Variants in THEMIS observed in about 807,000 individuals in gnomAD.
THEMIS encodes protein THEMIS.
In THEMIS, 37 loss-of-function variants were observed where a neutral mutation model predicts 52.6. The observed-to-expected ratio is 0.70, with a 90% CI of 0.54 to 0.93. The LOEUF (loss-of-function observed/expected upper bound fraction) is 0.93. THEMIS is among the 40% of genes least tolerant of loss of function. The pLI is 0.00. For missense variants in THEMIS, 808 were observed against 763.1 expected (o/e 1.06, Z -0.69); for synonymous variants, 292 against 272.7 (o/e 1.07, Z -0.70).
rs1780936483 is a variant in THEMIS at position 127,895,467 on chromosome 6, T to A, written c.91+5375A>T. Among the ~76,000 whole-genome samples the A allele has an allele frequency of 2.6e-5, 4 of 151,580 alleles. No homozygotes were observed. In the South Asian group the frequency reaches 8.3e-4, roughly 31 times the overall value. ...ATAAATATTACTAATCGTATTTAAC[T>A]GCATTTCTTCACTTCAGAGACAATC... On this transcript the variant is annotated intron_variant, in intron 1 of 5. Coordinates refer to ENST00000368248, the MANE Select transcript of THEMIS (RefSeq NM_001010923.3).
intron 2 of THEMIS, among the ~76,000 whole-genome samples, chr6:127,843,251 C>T (rs1451240683): frequency 2.6e-5 from 4 of 151,398 alleles, no homozygotes; most frequent in Admixed American, 6.6e-5. Flanking sequence ...ATGGCATTAA[C>T]GTTGATTGAC....
chr6:127,870,193 A>G (rs1780114584), intron 1 of THEMIS, among the ~76,000 whole-genome samples: 2 of 152,208 alleles, frequency 1.3e-5, no homozygotes, highest in Non-Finnish European at 2.9e-5. Flanking sequence ...GCCCAGCACA[A>G]TCAGGCACTT....
chr6:127,829,218 G>A (rs370391273), intron 3 of THEMIS, among the ~76,000 whole-genome samples: 2 of 152,222 alleles, frequency 1.3e-5, no homozygotes, highest in African/African-American at 2.4e-5. Flanking sequence ...TTAGTAGTTT[G>A]ATCTGTCTGT....
chr6:127,794,833 T>C (rs1777274341), intron 4 of THEMIS, among the ~76,000 whole-genome samples: 1 of 152,178 alleles, frequency 6.6e-6, no homozygotes, highest in African/African-American at 2.4e-5. Context: ...TGCTCTAACA[T>C]TTACCTGATC....
chr6:127,714,721 C>A (rs1278215321), intron 5 of THEMIS, among the ~76,000 whole-genome samples: 4 of 151,932 alleles, frequency 2.6e-5, no homozygotes, highest in Non-Finnish European at 5.9e-5. Flanking sequence ...AAAACTTGCA[C>A]TTTCTACCAT....
chr6:127,825,680 G>T (rs1304180432), intron 3 of THEMIS, among the ~76,000 whole-genome samples: 3 of 152,138 alleles, frequency 2.0e-5, no homozygotes, highest in Admixed American at 1.3e-4. Flanking sequence ...CACCTATGCA[G>T]TTGGTCTCAA....
intron 4 of THEMIS, among the ~76,000 whole-genome samples, chr6:127,755,327 C>A (rs1032266209): frequency 6.6e-6 from 1 of 152,016 alleles, no homozygotes; most frequent in African/African-American, 2.4e-5. Context: ...GGCTTCCCAG[C>A]CTAAAGAAGC....
intron 4 of THEMIS, among the ~76,000 whole-genome samples, chr6:127,797,725 C>A (rs1459703341): frequency 6.6e-6 from 1 of 152,182 alleles, no homozygotes; most frequent in Admixed American, 6.5e-5. Flanking sequence ...TGGTTAACAA[C>A]CATCTGTAAA....
chr6:127,894,878 C>T (rs558835931), intron 1 of THEMIS, among the ~76,000 whole-genome samples: 6 of 150,896 alleles, frequency 4.0e-5, no homozygotes, highest in Non-Finnish European at 8.9e-5. Flanking sequence ...AGTCTATGGG[C>T]TCATTTTAAT....
chr6:127,747,987 G>C (rs1490558689), intron 4 of THEMIS, among the ~76,000 whole-genome samples: 1 of 152,080 alleles, frequency 6.6e-6, no homozygotes, highest in Non-Finnish European at 1.5e-5. Context: ...AACAACTGTT[G>C]AAAATGAAAA....
At position 127,839,581 on chromosome 6, in the gene THEMIS, C is replaced by T. The variant is rs180809035; in HGVS notation, c.251-9647G>A. ...GTAGTGGTGGAGTCACAGATCACTG[C>T]GGCCTCGAACTCCTGGGTTCATGCC... On this transcript the variant is annotated intron_variant, in intron 2 of 5. Transcript: ENST00000368248. 2.4e-3 allele frequency among the ~76,000 whole-genome samples: 366 copies of T among 152,088 alleles called. 1 individual carries two copies. The highest frequency in any genetic ancestry group is 8.2e-3 in the African/African-American group (341 of 41,504).
chr6:127,804,537 C>T (rs1777637407), intron 4 of THEMIS, among the ~76,000 whole-genome samples: 1 of 152,110 alleles, frequency 6.6e-6, no homozygotes. Context: ...GTTTTTATTA[C>T]AAAAGATTGA....
chr6:127,726,137 G>A (rs1774538154), intron 4 of THEMIS, among the ~76,000 whole-genome samples: 1 of 152,088 alleles, frequency 6.6e-6, no homozygotes, highest in Non-Finnish European at 1.5e-5. Context: ...ACATTCTTGG[G>A]CCCAATAGTG....
chr6:127,830,027 G>A, intron 2 of THEMIS, 93 bp from the exon 3 acceptor site: 1 of 849,722 alleles, frequency 1.2e-6, no homozygotes, highest in Non-Finnish European at 1.8e-6. Flanking sequence ...CACAAGTACT[G>A]CATACATTTT....
intron 3 of THEMIS, among the ~76,000 whole-genome samples, chr6:127,819,465 CA>C (rs1187164920): frequency 1.3e-5 from 2 of 151,538 alleles, no homozygotes; most frequent in East Asian, 1.9e-4. Context: ...GGATAAATAC[CA>C]AAAAAAATCT....
At chr6:127,805,978 A>G (rs1777689093) in intron 4 of THEMIS, among the ~76,000 whole-genome samples, 1 of 152,026 alleles carries the variant, frequency 6.6e-6, no homozygotes, top group Admixed American at 6.6e-5. Flanking sequence ...TTTTTTAAAG[A>G]AAAACTGAAG....
chr6:127,852,005 A>G (rs917030889), intron 2 of THEMIS, among the ~76,000 whole-genome samples: 2 of 151,600 alleles, frequency 1.3e-5, no homozygotes, highest in Non-Finnish European at 3.0e-5. Flanking sequence ...TCATGTCATC[A>G]TACGTCGGGG....
chr6:127,872,113 G>C (rs1200569116), intron 1 of THEMIS, among the ~76,000 whole-genome samples: 1 of 152,132 alleles, frequency 6.6e-6, no homozygotes, highest in Non-Finnish European at 1.5e-5. Context: ...CCATGACCAA[G>C]TGTGGTTAAT....
At chr6:127,890,120 C>T (rs1780758696) in intron 1 of THEMIS, among the ~76,000 whole-genome samples, 1 of 152,044 alleles carries the variant, frequency 6.6e-6, no homozygotes, top group South Asian at 2.1e-4. Context: ...AATGATAAAC[C>T]TGCTGTATGA....
Sources: allele counts gnomAD v4.1 joint callset (sites outside exome capture counted in the v4.1 genomes callset), GRCh38; gene constraint gnomAD v4.1.1; transcripts MANE v1.5; gene names NCBI Gene and HGNC (gene_info 2026-07-23, HGNC 2026-07-21).